The following QSOX1 variants were observed in gnomAD, a reference collection of about 807,000 sequenced individuals.
QSOX1 encodes quiescin sulfhydryl oxidase 1, also known as sulfhydryl oxidase 1.
In QSOX1, 40 loss-of-function variants were observed where a neutral mutation model predicts 76.1. The observed-to-expected ratio is 0.53, with a 90% CI of 0.41 to 0.68. The LOEUF is 0.68. QSOX1 is among the 30% of genes least tolerant of loss of function. QSOX1 has a pLI of 0.00. For synonymous variants in QSOX1, 392 were observed against 413.1 expected, an observed-to-expected ratio of 0.95 and a Z score of 0.62; for missense variants, 931 against 974.3, an observed-to-expected ratio of 0.96 and a Z score of 0.59.
intron 11 of QSOX1, among the ~76,000 whole-genome samples, chr1:180,195,178 C>T (rs1054426241): frequency 2.0e-5 from 3 of 152,148 alleles, no homozygotes; most frequent in African/African-American, 7.2e-5. Flanking sequence ...TTTGACCCTT[C>T]AGCCCCTTGA....
In QSOX1 at chr1:180,179,869, T is replaced by C. The variant is rs560860860; in HGVS notation, c.606+985T>C. The stretch of plus-strand genomic sequence containing the variant: ...TTGGGGAGGGGAAAGACAGCTTGGC[T>C]TAAGGAGTGCCTGACCCTCTGGGGT... On this transcript the variant is annotated intron_variant, in intron 5 of 11. Coordinates refer to ENST00000367602, the MANE Select transcript of QSOX1 (RefSeq NM_002826.5). Among the ~76,000 whole-genome samples, 4 of 152,354 alleles carry C rather than the reference T, an allele frequency of 2.6e-5. No homozygotes were observed. The South Asian group carries it at 8.3e-4, about 32-fold the overall frequency.
chr1:180,197,852 T>C lies in QSOX1; in HGVS notation c.*815T>C, dbSNP rs1663540827. The C allele has an allele frequency of 3.7e-6, 1 of 271,274 alleles. No individual in the cohort carries two copies. The highest frequency in any genetic ancestry group is 7.3e-6 in the Non-Finnish European group (1 of 136,528). 16.8% of individuals were successfully genotyped at this position (271,274 alleles called of 1,614,324 possible). A position where few individuals can be genotyped will look rare whatever the true frequency, so the allele number is the denominator to read the frequency against. On this transcript the variant is annotated 3_prime_UTR_variant, in exon 12 of 12. Coordinates refer to ENST00000367602, the MANE Select transcript of QSOX1 (RefSeq NM_002826.5). Reference sequence around the variant, plus strand: ...TTTTTATTTTGGTCTCCAAGATGAATGCTCATCTTTGGAGGGTGCCAGGTA... The same window carrying C: ...TTTTTATTTTGGTCTCCAAGATGAACGCTCATCTTTGGAGGGTGCCAGGTA...
intron 1 of QSOX1, among the ~76,000 whole-genome samples, chr1:180,161,595 G>A (rs1413396731): frequency 6.6e-6 from 1 of 152,108 alleles, no homozygotes. Flanking sequence ...GGTCTTGTAG[G>A]GAGAAAATGT....
intron 2 of QSOX1, among the ~76,000 whole-genome samples, chr1:180,169,690 G>T (rs997805724): frequency 6.6e-6 from 1 of 152,254 alleles, no homozygotes; most frequent in African/African-American, 2.4e-5. Context: ...GCTGGTGTGT[G>T]GCTGCTGCTG....
chr1:180,155,780 C>T (rs573170308), intron 1 of QSOX1, among the ~76,000 whole-genome samples: 13 of 152,350 alleles, frequency 8.5e-5, no homozygotes, highest in Admixed American at 5.9e-4. Flanking sequence ...CCTCTCCTGA[C>T]CTGCCGCCTC....
rs1663662833 is a variant in QSOX1 at position 180,202,866 on chromosome 1, C to T, written c.*5829C>T. ...GGCCGAGGTGGGTGGATCACGAGGT[C>T]AGGAGTTTGAGACCAGCTTGGCCAA... On this transcript the variant is annotated 3_prime_UTR_variant, in exon 12 of 12. Transcript: ENST00000367602. 1 of 152,012 alleles carries T rather than the reference C, an allele frequency of 6.6e-6. No homozygotes were observed. Among genetic ancestry groups the T allele is most frequent in the Non-Finnish European group, 1.5e-5 (1 of 68,036 alleles). 9.4% of individuals were successfully genotyped at this position (152,012 alleles called of 1,614,324 possible). A position where few individuals can be genotyped will look rare whatever the true frequency, so the allele number is the denominator to read the frequency against.
chr1:180,192,005 C>T (rs1282758520), intron 10 of QSOX1, among the ~76,000 whole-genome samples: 1 of 152,136 alleles, frequency 6.6e-6, no homozygotes, highest in Admixed American at 6.5e-5. Context: ...CAAATTTCCT[C>T]TTCCTGCAAG....
At chr1:180,189,186 C>G (rs961028465) in intron 8 of QSOX1, among the ~76,000 whole-genome samples, 4 of 152,144 alleles carry the variant, frequency 2.6e-5, no homozygotes, top group African/African-American at 9.7e-5. Flanking sequence ...TCCCAGCAGC[C>G]CTGGCAAGGG....
In QSOX1 at chr1:180,181,454, A is replaced by G. The variant is rs576873684; in HGVS notation, c.607-720A>G. ...AACGTTTTCAGATCTTCTTATAACT[A>G]TACACATTGACCAAAGGGCCCCTCT... On this transcript the variant is annotated intron_variant, in intron 5 of 11. Transcript: ENST00000367602. Among the ~76,000 whole-genome samples the G allele has an allele frequency of 2.0e-5, 3 of 152,338 alleles. No homozygotes were observed. In the East Asian group the frequency reaches 5.8e-4, roughly 29 times the overall value.
chr1:180,178,791 C>A lies in QSOX1; in HGVS notation c.516-3C>A. 1.2e-6 allele frequency: 2 copies of A among 1,612,986 alleles called. No homozygotes were observed. Among genetic ancestry groups the A allele is most frequent in the Non-Finnish European group, 1.7e-6 (2 of 1,179,078 alleles). ...GAGTGACTGCCAGAATTGTCTCTTGCAGGCTGGAGGAGATTGATGGATTCT... is the reference window on the plus strand; with the variant it reads ...GAGTGACTGCCAGAATTGTCTCTTGAAGGCTGGAGGAGATTGATGGATTCT... On this transcript the variant is annotated splice_polypyrimidine_tract_variant and splice_region_variant and intron_variant, in intron 4 of 11. Coordinates refer to ENST00000367602, the MANE Select transcript of QSOX1 (RefSeq NM_002826.5).
At position 180,197,267 on chromosome 1, in the gene QSOX1, G is replaced by T; in HGVS notation, c.*230G>T. On this transcript the variant is annotated 3_prime_UTR_variant, in exon 12 of 12. Coordinates refer to ENST00000367602, the MANE Select transcript of QSOX1 (RefSeq NM_002826.5). ...GTTCCCCTGCTGTGCAGGGAGGGCA[G>T]CCCCGGGCAGTGGGCATAGGGCAGC... 2 of 1,612,322 alleles carry T rather than the reference G, an allele frequency of 1.2e-6. No individual in the cohort carries two copies. The highest frequency in any genetic ancestry group is 2.2e-5 in the East Asian group (1 of 44,864).
chr1:180,175,410 C>A lies in QSOX1; in HGVS notation c.412+44C>A, dbSNP rs778005706. 3.1e-6 allele frequency: 5 copies of A among 1,591,014 alleles called. No individual in the cohort carries two copies. In the East Asian group the frequency reaches 8.9e-5, roughly 28 times the overall value. On this transcript the variant is annotated intron_variant, in intron 3 of 11. Coordinates refer to ENST00000367602, the MANE Select transcript of QSOX1 (RefSeq NM_002826.5). ...TTGTCCTGTTAGCATCTTCCTCCCC[C>A]AACCTCCCTCTTCACCTGGGTTTCT... is the stretch of plus-strand genomic sequence containing the variant.
intron 2 of QSOX1, among the ~76,000 whole-genome samples, chr1:180,168,273 C>T (rs1417684198): frequency 1.3e-5 from 2 of 152,256 alleles, no homozygotes; most frequent in Non-Finnish European, 2.9e-5. Flanking sequence ...GTGGGAGGGG[C>T]ACTGGGAGGG....
At chr1:180,177,002 A>T (rs1269712630) in intron 4 of QSOX1, among the ~76,000 whole-genome samples, 1 of 152,108 alleles carries the variant, frequency 6.6e-6, no homozygotes, top group South Asian at 2.1e-4. Flanking sequence ...CATCCTCCAG[A>T]GGGCCTCCAG....
At chr1:180,162,811 A>G (rs1662523796) in intron 1 of QSOX1, among the ~76,000 whole-genome samples, 1 of 152,238 alleles carries the variant, frequency 6.6e-6, no homozygotes, top group Non-Finnish European at 1.5e-5. Flanking sequence ...GTGAAGTCAC[A>G]GTCATTCATC....
Position 180,197,040 on chromosome 1 carries a change from C to A in QSOX1, c.*3C>A. ...ATGCTGGCCACCCTGCAGCCTGAAC[C>A]ACCTGGGGAGGAGGCGGGAGAGGGA... On this transcript the variant is annotated 3_prime_UTR_variant, in exon 12 of 12. Coordinates refer to ENST00000367602, the MANE Select transcript of QSOX1 (RefSeq NM_002826.5). 2 of 1,601,502 alleles carry A rather than the reference C, an allele frequency of 1.2e-6. No homozygotes were observed. Among genetic ancestry groups the A allele is most frequent in the Non-Finnish European group, 1.7e-6 (2 of 1,174,070 alleles).
intron 6 of QSOX1, among the ~76,000 whole-genome samples, chr1:180,182,892 T>G (rs1663075067): frequency 6.6e-6 from 1 of 152,054 alleles, no homozygotes; most frequent in Non-Finnish European, 1.5e-5. Flanking sequence ...GCAGGAGCAT[T>G]GGGCCAGGGA....
chr1:180,177,828 G>A (rs1662935671), intron 4 of QSOX1, among the ~76,000 whole-genome samples: 1 of 152,140 alleles, frequency 6.6e-6, no homozygotes, highest in South Asian at 2.1e-4. Flanking sequence ...GACTGTCACT[G>A]GCTGGGCTCC....
intron 6 of QSOX1, among the ~76,000 whole-genome samples, chr1:180,183,171 G>C (rs937570160): frequency 6.6e-6 from 1 of 152,118 alleles, no homozygotes; most frequent in Non-Finnish European, 1.5e-5. Flanking sequence ...TGCCTCCCGA[G>C]CCATCTGCTC....
Sources: gnomAD v4.1 joint callset for allele counts (sites outside exome capture counted in the v4.1 genomes callset) on GRCh38, gnomAD v4.1.1 for gene constraint, MANE v1.5 for transcripts, NCBI Gene and HGNC (gene_info 2026-07-23, HGNC 2026-07-21) for gene names.